Variants in JMJD1C observed in about 807,000 individuals in gnomAD.
JMJD1C encodes jumonji domain containing 1C.
A neutral mutation model predicts 245.3 loss-of-function variants in JMJD1C; 31 were observed. The observed-to-expected ratio is 0.13, with a 90% CI of 0.09 to 0.17. The LOEUF is 0.17. JMJD1C is among the 10% of genes least tolerant of loss of function. The pLI is 1.00. For missense variants in JMJD1C, 2,691 were observed against 3,000.2 expected (o/e 0.90, Z 2.41); for synonymous variants, 1,057 against 1,017.4 (o/e 1.04, Z -0.74).
At chr10:63,450,497 TTATTGCTGGA>T (rs1418973741) in intron 1 of JMJD1C, among the ~76,000 whole-genome samples, 2 of 152,150 alleles carry the variant, frequency 1.3e-5, no homozygotes, top group Non-Finnish European at 2.9e-5. Context: ...TAACTGAGAT[TTATTGCTGGA>T]ATGCGAGGAT....
chr10:63,404,642 G>C (rs143205794), intron 1 of JMJD1C, among the ~76,000 whole-genome samples: 2 of 152,250 alleles, frequency 1.3e-5, no homozygotes, highest in East Asian at 1.9e-4. Context: ...TTGGAATATA[G>C]TAACACGTCT....
chr10:63,305,633 T>TGTGC (rs1938078706), intron 2 of JMJD1C, among the ~76,000 whole-genome samples: 1 of 61,990 alleles, frequency 1.6e-5, no homozygotes, highest in African/African-American at 1.4e-4. Flanking sequence ...TGCTGGCGTG[T>TGTGC]GTGTGTGTGT....
chr10:63,387,723 C>T (rs113233802), intron 1 of JMJD1C, among the ~76,000 whole-genome samples: 8,325 of 146,764 alleles, frequency 0.057, 690 homozygotes, highest in African/African-American at 0.18. Flanking sequence ...GCCAGCTCCA[C>T]CTCCTGGGTT....
At chr10:63,198,885 G>A (rs1363174851) in intron 11 of JMJD1C, among the ~76,000 whole-genome samples, 158 bp from the exon 12 acceptor site, 1 of 152,004 alleles carries the variant, frequency 6.6e-6, no homozygotes, top group Non-Finnish European at 1.5e-5. Flanking sequence ...ACTAATTATT[G>A]AATTAATTTA....
intron 1 of JMJD1C, among the ~76,000 whole-genome samples, chr10:63,514,940 A>C (rs1177771150): frequency 6.7e-6 from 1 of 150,146 alleles, no homozygotes; most frequent in Non-Finnish European, 1.5e-5. Flanking sequence ...GGACATAATA[A>C]TACTAAGTAT....
chr10:63,347,427 C>CA (rs933209443), intron 2 of JMJD1C, among the ~76,000 whole-genome samples: 27 of 148,826 alleles, frequency 1.8e-4, no homozygotes, highest in African/African-American at 5.9e-4. Flanking sequence ...AATAAAAAGA[C>CA]AAAAAAAATT....
intron 1 of JMJD1C, among the ~76,000 whole-genome samples, chr10:63,490,074 T>A (rs2133213878): frequency 6.6e-6 from 1 of 152,302 alleles, no homozygotes; most frequent in Non-Finnish European, 1.5e-5. Context: ...TGGAAGAGTT[T>A]CATCCCAAAA....
chr10:63,395,305 C>T (rs1055742752), intron 1 of JMJD1C, among the ~76,000 whole-genome samples: 2 of 152,030 alleles, frequency 1.3e-5, no homozygotes, highest in Non-Finnish European at 2.9e-5. Flanking sequence ...GGTGAAACCC[C>T]GTCTCTACTA....
At chr10:63,235,002 A>T (rs745744133) in intron 3 of JMJD1C, among the ~76,000 whole-genome samples, 1 of 152,182 alleles carries the variant, frequency 6.6e-6, no homozygotes, top group Non-Finnish European at 1.5e-5. Flanking sequence ...AACATATCAC[A>T]TAGTATGTAT....
intron 10 of JMJD1C, among the ~76,000 whole-genome samples, chr10:63,201,144 C>G (rs1344376611): frequency 6.6e-6 from 1 of 152,120 alleles, no homozygotes; most frequent in Non-Finnish European, 1.5e-5. Context: ...CAACGTATTT[C>G]TATTGAAATA....
At position 63,436,300 on chromosome 10, in the gene JMJD1C, T is replaced by G. The variant is rs1313856346; in HGVS notation, c.168+29195A>C. Among the ~76,000 whole-genome samples, 3 of 152,206 alleles carry G rather than the reference T, an allele frequency of 2.0e-5. No individual in the cohort carries two copies. The East Asian group carries it at 5.8e-4, about 29-fold the overall frequency. Reference sequence around the variant, plus strand: ...ATAACAATTCTTCAATTACCTTATGTTAATGTAACAGTTTCAAAGGTGCCA... The same window carrying G: ...ATAACAATTCTTCAATTACCTTATGGTAATGTAACAGTTTCAAAGGTGCCA... On this transcript the variant is annotated intron_variant, in intron 1 of 25. Transcript: ENST00000399262.
intron 3 of JMJD1C, among the ~76,000 whole-genome samples, chr10:63,223,320 C>T (rs1313978624): frequency 6.6e-6 from 1 of 150,936 alleles, no homozygotes; most frequent in Admixed American, 6.6e-5. Flanking sequence ...CTTCGCCTCC[C>T]AAGTTCAAGC....
intron 2 of JMJD1C, among the ~76,000 whole-genome samples, chr10:63,336,931 T>A (rs1261776451): frequency 4.6e-5 from 7 of 151,984 alleles, no homozygotes; most frequent in Admixed American, 2.0e-4. Flanking sequence ...ACCTCCGCCT[T>A]CTGTGTTCAA....
chr10:63,207,482 G>C lies in JMJD1C; in HGVS notation c.4187C>G (p.Thr1396Arg). 1 of 1,614,180 alleles carries C rather than the reference G, an allele frequency of 6.2e-7. No individual in the cohort carries two copies. Among genetic ancestry groups the C allele is most frequent in the Non-Finnish European group, 8.5e-7 (1 of 1,180,022 alleles). The change falls in exon 10 of 26, where the codon ACG (threonine) becomes AGG (arginine). Residue 1396 changes from threonine to arginine, a missense_variant. Thr to Arg is a moderately conservative substitution (Grantham distance 71). This residue lies in a region of JMJD1C where 1,562 missense variants were observed against 1,490.7 expected (regional missense o/e 1.05). Coordinates refer to ENST00000399262, the MANE Select transcript of JMJD1C (RefSeq NM_032776.3). ...ATCGGCAGCAGATGTGATTACATCC[G>C]TTTTGGTATTACACATCGTATTTAC... ...SAVNTMCNTKTDVITSAADTT... is the reference protein window; with the variant it reads ...SAVNTMCNTKRDVITSAADTT...
chr10:63,416,043 T>A (rs1348989708), intron 1 of JMJD1C, among the ~76,000 whole-genome samples: 1 of 152,206 alleles, frequency 6.6e-6, no homozygotes, highest in South Asian at 2.1e-4. Flanking sequence ...AGTGGATTCA[T>A]GCAGTATCCT....
At chr10:63,420,134 C>CA (rs35888793) in intron 1 of JMJD1C, among the ~76,000 whole-genome samples, 20,664 of 135,324 alleles carry the variant, frequency 0.15, 2,073 homozygotes, top group East Asian at 0.36. Flanking sequence ...GACGCTGTCT[C>CA]AAAAAAAAAA....
chr10:63,258,706 G>A (rs901769326), intron 3 of JMJD1C, among the ~76,000 whole-genome samples: 8 of 151,966 alleles, frequency 5.3e-5, no homozygotes, highest in African/African-American at 7.3e-5. Context: ...TTTGTATTTC[G>A]GAAGTTTTTA....
intron 1 of JMJD1C, among the ~76,000 whole-genome samples, chr10:63,478,023 T>C (rs1231687147): frequency 6.6e-6 from 1 of 152,016 alleles, no homozygotes; most frequent in Non-Finnish European, 1.5e-5. Flanking sequence ...AAAACCACAA[T>C]GAGATACCAA....
chr10:63,274,129 G>A (rs1488100423), intron 2 of JMJD1C, among the ~76,000 whole-genome samples: 2 of 152,126 alleles, frequency 1.3e-5, no homozygotes, highest in African/African-American at 4.8e-5. Context: ...AACAACAATC[G>A]TAGGAGGAAT....
Sources: gnomAD v4.1 joint callset for allele counts (sites outside exome capture counted in the v4.1 genomes callset) on GRCh38, gnomAD v4.1.1 for gene constraint, gnomAD v4.1.1 regional missense constraint, MANE v1.5 for transcripts, NCBI Gene and HGNC (gene_info 2026-07-23, HGNC 2026-07-21) for gene names.